Variants in ARHGAP26 observed in about 807,000 individuals in gnomAD.
ARHGAP26 encodes Rho GTPase activating protein 26, also known as rho GTPase-activating protein 26.
A neutral mutation model predicts 104.8 loss-of-function variants in ARHGAP26; 38 were observed. The observed-to-expected ratio is 0.36, with a 90% confidence interval of 0.28 to 0.48. The LOEUF is 0.48. Ranked by LOEUF, ARHGAP26 falls within the 20% of genes least tolerant of loss-of-function variation. The probability of loss-of-function intolerance (pLI) is 0.99; values close to 1 mark genes in which losing one functional copy is unlikely to be tolerated. For synonymous variants in ARHGAP26, 341 were observed against 340.0 expected (o/e 1.00, Z -0.03); for missense variants, 704 against 947.9 (o/e 0.74, Z 3.38).
At chr5:143,156,591 T>G (rs1385717544) in intron 20 of ARHGAP26, among the ~76,000 whole-genome samples, 1 of 152,198 alleles carries the variant, frequency 6.6e-6, no homozygotes, top group East Asian at 1.9e-4. Context: ...TTCTGATACA[T>G]GCTCAAGTCT....
intron 13 of ARHGAP26, 92 bp from the exon 14 acceptor site, chr5:143,041,722 GAA>G (rs34295120): frequency 0.14 from 90,614 of 634,302 alleles, 1,390 homozygotes; most frequent in East Asian, 0.22. Context: ...CTGAGAAAAT[GAA>G]AAAAAAAAAA....
intron 20 of ARHGAP26, among the ~76,000 whole-genome samples, chr5:143,158,275 T>A (rs1296119870): frequency 6.6e-6 from 1 of 152,152 alleles, no homozygotes; most frequent in Non-Finnish European, 1.5e-5. Flanking sequence ...TAAAAAGGAA[T>A]TAAAATACCC....
intron 19 of ARHGAP26, among the ~76,000 whole-genome samples, chr5:143,144,258 A>G (rs1798896518): frequency 6.6e-6 from 1 of 151,994 alleles, no homozygotes; most frequent in African/African-American, 2.4e-5. Context: ...TATTTGAAGG[A>G]TTTGCTTAAT....
intron 20 of ARHGAP26, among the ~76,000 whole-genome samples, chr5:143,154,582 C>T (rs905941022): frequency 1.3e-5 from 2 of 152,190 alleles, no homozygotes; most frequent in Admixed American, 6.5e-5. Context: ...CCACCAGCCT[C>T]CTACCTTGAA....
At chr5:142,917,038 T>A (rs1762570217) in intron 10 of ARHGAP26, among the ~76,000 whole-genome samples, 1 of 44,100 alleles carries the variant, frequency 2.3e-5, no homozygotes, top group South Asian at 1.8e-3. Context: ...GACTTTGGAA[T>A]TTTTTTTTTT....
At chr5:142,873,189 A>G (rs941285441) in intron 1 of ARHGAP26, among the ~76,000 whole-genome samples, 2 of 152,278 alleles carry the variant, frequency 1.3e-5, no homozygotes, top group East Asian at 1.9e-4. Context: ...TAAAGCCAAT[A>G]TAACAAAAAT....
At chr5:142,950,271 G>T (rs1206332277) in intron 11 of ARHGAP26, among the ~76,000 whole-genome samples, 2 of 152,144 alleles carry the variant, frequency 1.3e-5, no homozygotes, top group Non-Finnish European at 2.9e-5. Flanking sequence ...GCATTTGAGG[G>T]ATGTCTTCAG....
At chr5:143,175,159 T>A (rs965703135) in intron 20 of ARHGAP26, among the ~76,000 whole-genome samples, 7 of 152,256 alleles carry the variant, frequency 4.6e-5, no homozygotes, top group African/African-American at 1.4e-4. Flanking sequence ...TAACTCTTAC[T>A]TTTTGGTGCT....
chr5:143,032,403 A>G (rs1349403518), intron 12 of ARHGAP26, among the ~76,000 whole-genome samples: 1 of 152,234 alleles, frequency 6.6e-6, no homozygotes, highest in African/African-American at 2.4e-5. Context: ...CAAGCCTAGT[A>G]GATATTTAAT....
At chr5:142,907,141 C>T (rs903793313) in intron 8 of ARHGAP26, among the ~76,000 whole-genome samples, 3 of 152,212 alleles carry the variant, frequency 2.0e-5, no homozygotes, top group South Asian at 2.1e-4. Context: ...CTCTGCATCT[C>T]TGGTGTCTCT....
At chr5:143,214,577 G>A (rs1225779370) in intron 22 of ARHGAP26, among the ~76,000 whole-genome samples, 1 of 152,232 alleles carries the variant, frequency 6.6e-6, no homozygotes, top group Non-Finnish European at 1.5e-5. Flanking sequence ...TGCTGCACCT[G>A]ATTCCGTGGG....
At chr5:143,044,786 A>G (rs1465600236) in intron 14 of ARHGAP26, among the ~76,000 whole-genome samples, 2 of 152,210 alleles carry the variant, frequency 1.3e-5, no homozygotes, top group Non-Finnish European at 2.9e-5. Context: ...CATGTGTTTG[A>G]TTATGGAAAG....
At chr5:143,163,864 C>T (rs1801584231) in intron 20 of ARHGAP26, among the ~76,000 whole-genome samples, 1 of 152,042 alleles carries the variant, frequency 6.6e-6, no homozygotes, top group Non-Finnish European at 1.5e-5. Context: ...ACTGAGACCT[C>T]TATGGCTCTA....
At chr5:143,088,858 G>T (rs886294865) in intron 17 of ARHGAP26, among the ~76,000 whole-genome samples, 1 of 152,168 alleles carries the variant, frequency 6.6e-6, no homozygotes, top group African/African-American at 2.4e-5. Context: ...GAGTGACGGG[G>T]TGAGTGGTTT....
intron 6 of ARHGAP26, among the ~76,000 whole-genome samples, chr5:142,898,039 T>G (rs1251408380): frequency 6.6e-6 from 1 of 152,164 alleles, no homozygotes; most frequent in African/African-American, 2.4e-5. Context: ...TGAAAGTAAC[T>G]TCAAGTACCA....
intron 10 of ARHGAP26, among the ~76,000 whole-genome samples, chr5:142,919,022 T>TA (rs1562079714): frequency 6.6e-6 from 1 of 152,206 alleles, no homozygotes; most frequent in Non-Finnish European, 1.5e-5. Flanking sequence ...AGGATAATTT[T>TA]AAAAAATTTC....
At chr5:143,216,998 G>A (rs1810440938) in intron 22 of ARHGAP26, among the ~76,000 whole-genome samples, 2 of 152,084 alleles carry the variant, frequency 1.3e-5, no homozygotes, top group Admixed American at 6.6e-5. Flanking sequence ...GGTGGGGTGG[G>A]GGGTCTTTTT....
Position 143,057,647 on chromosome 5 carries a change from G to C in ARHGAP26, c.1438G>C (p.Glu480Gln). ...QRSFIKAAKL[E>Q]NQESRVSEIH... ...CCTCCCTCCTTCCTTTGCAGAACTG[G>C]AGAACCAGGAGTCTCGGGTCTCTGA... Residue 480 changes from glutamate to glutamine, a missense_variant, in exon 17 of 23, where the codon GAG becomes CAG. Around this residue, in one of 6 missense-constraint regions of ARHGAP26, gnomAD observed 287 missense variants for 438.8 expected, o/e 0.65. Coordinates refer to ENST00000645722, the MANE Select transcript of ARHGAP26 (RefSeq NM_001135608.3). 4 of 1,613,620 alleles carry C rather than the reference G, an allele frequency of 2.5e-6. No individual in the cohort carries two copies. The highest frequency in any genetic ancestry group is 3.4e-6 in the Non-Finnish European group (4 of 1,179,700).
intron 20 of ARHGAP26, among the ~76,000 whole-genome samples, chr5:143,191,928 G>A (rs992166196): frequency 6.7e-6 from 1 of 148,430 alleles, no homozygotes; most frequent in Non-Finnish European, 1.5e-5. Context: ...GAGCTGTACC[G>A]TTTTATGACA....
Sources: gnomAD v4.1 joint callset for allele counts (sites outside exome capture counted in the v4.1 genomes callset) on GRCh38, gnomAD v4.1.1 for gene constraint, gnomAD v4.1.1 regional missense constraint, MANE v1.5 for transcripts, NCBI Gene and HGNC (gene_info 2026-07-23, HGNC 2026-07-21) for gene names.